MAP7: variants seen among roughly 807,000 people sequenced by gnomAD.
MAP7 encodes ensconsin.
Under a neutral mutation model 94.8 loss-of-function variants are expected in MAP7, and 52 were observed. The observed-to-expected ratio is 0.55, with a 90% CI of 0.44 to 0.69. The LOEUF (loss-of-function observed/expected upper bound fraction) is 0.69, where lower values mean the gene tolerates loss of function less well. Among genes scored for constraint, MAP7 ranks in the 30% least tolerant of loss-of-function variants. The pLI is 0.00. For missense variants in MAP7, 940 were observed against 964.6 expected (o/e 0.97, Z 0.34); for synonymous variants, 350 against 357.0 (o/e 0.98, Z 0.22).
At chr6:136,431,024 G>C (rs1190162484) in intron 1 of MAP7, among the ~76,000 whole-genome samples, 1 of 152,156 alleles carries the variant, frequency 6.6e-6, no homozygotes, top group South Asian at 2.1e-4. Flanking sequence ...GAGGGGCCAC[G>C]CTTGACGATG....
chr6:136,396,358 G>C (rs1486134873), intron 3 of MAP7, among the ~76,000 whole-genome samples: 1 of 151,720 alleles, frequency 6.6e-6, no homozygotes, highest in African/African-American at 2.4e-5. Flanking sequence ...TTTTTCCACT[G>C]GTTTGTCACT....
chr6:136,441,121 T>C (rs1797737184), intron 1 of MAP7, among the ~76,000 whole-genome samples: 1 of 152,228 alleles, frequency 6.6e-6, no homozygotes. Context: ...ATTCTATATC[T>C]TGGCTGTTGT....
chr6:136,423,555 G>C (rs1792097632), intron 1 of MAP7, among the ~76,000 whole-genome samples: 1 of 152,006 alleles, frequency 6.6e-6, no homozygotes, highest in South Asian at 2.1e-4. Context: ...TTTCAGCTCA[G>C]CCACAGTTAT....
At chr6:136,372,771 A>T (rs1582709136) in intron 7 of MAP7, 146 bp from the exon 8 acceptor site, 1 of 948,560 alleles carries the variant, frequency 1.1e-6, no homozygotes. Flanking sequence ...AGAAGATGTT[A>T]TTACCTAAAG....
chr6:136,525,956 T>G (rs1827707556), intron 1 of MAP7: 1 of 1,520,008 alleles, frequency 6.6e-7, no homozygotes, highest in African/African-American at 1.4e-5. Context: ...CTGTAGCTGA[T>G]CCAGGCATAC....
intron 1 of MAP7, among the ~76,000 whole-genome samples, chr6:136,457,592 A>G (rs1803753144): frequency 6.6e-6 from 1 of 152,190 alleles, no homozygotes; most frequent in African/African-American, 2.4e-5. Context: ...TGAATTCAAC[A>G]GTATATTAAG....
At chr6:136,410,913 A>C (rs1312015199) in intron 3 of MAP7, among the ~76,000 whole-genome samples, 2 of 152,240 alleles carry the variant, frequency 1.3e-5, no homozygotes, top group Non-Finnish European at 2.9e-5. Flanking sequence ...CATGCTGACC[A>C]GGCATTTAAT....
At chr6:136,480,342 A>C (rs972852070) in intron 1 of MAP7, among the ~76,000 whole-genome samples, 6 of 152,198 alleles carry the variant, frequency 3.9e-5, no homozygotes, top group African/African-American at 1.2e-4. Flanking sequence ...CAAAAATCAA[A>C]TCAAAATGTA....
intron 2 of MAP7, among the ~76,000 whole-genome samples, chr6:136,418,002 A>T (rs888667547): frequency 6.6e-6 from 1 of 152,188 alleles, no homozygotes; most frequent in Non-Finnish European, 1.5e-5. Context: ...TCAAACTATT[A>T]ATCATTTGAA....
chr6:136,358,718 C>T (rs1481513382), intron 15 of MAP7, among the ~76,000 whole-genome samples: 1 of 152,188 alleles, frequency 6.6e-6, no homozygotes, highest in Non-Finnish European at 1.5e-5. Flanking sequence ...AAAAAGAAAA[C>T]TGCAGTACCT....
intron 1 of MAP7, among the ~76,000 whole-genome samples, chr6:136,537,080 T>A (rs2129058325): frequency 6.6e-6 from 1 of 152,278 alleles, no homozygotes; most frequent in Non-Finnish European, 1.5e-5. Context: ...GACATGTGGG[T>A]CTCATCACAT....
intron 1 of MAP7, among the ~76,000 whole-genome samples, chr6:136,522,222 G>A (rs550413389): frequency 2.5e-4 from 38 of 152,256 alleles, no homozygotes; most frequent in African/African-American, 7.9e-4. Context: ...TTGAGGTTCC[G>A]AGGTATAAGA....
chr6:136,366,024 C>T lies in MAP7; in HGVS notation c.990-6G>A, dbSNP rs1205313049. The stretch of plus-strand genomic sequence containing the variant: ...GAAGAGACTTGGACGGAAGCCTGGG[C>T]CACAAACAAACAAGGCAGACAAAAG... On this transcript the variant is annotated splice_region_variant and splice_polypyrimidine_tract_variant and intron_variant, in intron 9 of 17. Transcript: ENST00000354570. 1.9e-6 allele frequency: 3 copies of T among 1,603,702 alleles called. No individual in the cohort carries two copies. Among genetic ancestry groups the T allele is most frequent in the Non-Finnish European group, 2.5e-6 (3 of 1,177,312 alleles).
At chr6:136,378,595 T>C (rs1351857140) in intron 6 of MAP7, among the ~76,000 whole-genome samples, 2 of 152,150 alleles carry the variant, frequency 1.3e-5, no homozygotes, top group African/African-American at 4.8e-5. Flanking sequence ...CAAAATCCAA[T>C]ATAAACATAA....
intron 3 of MAP7, among the ~76,000 whole-genome samples, chr6:136,398,117 T>A (rs958828616): frequency 1.3e-5 from 2 of 152,126 alleles, no homozygotes; most frequent in African/African-American, 4.8e-5. Context: ...CTAGACTCCA[T>A]GTAGAAATAC....
At chr6:136,423,612 A>G (rs973949406) in intron 1 of MAP7, among the ~76,000 whole-genome samples, 2 of 151,614 alleles carry the variant, frequency 1.3e-5, no homozygotes, top group Non-Finnish European at 2.9e-5. Context: ...TATGATGTTT[A>G]GGGTATGGCC....
intron 1 of MAP7, among the ~76,000 whole-genome samples, chr6:136,449,961 A>G (rs1800590278): frequency 6.6e-6 from 1 of 152,162 alleles, no homozygotes; most frequent in Non-Finnish European, 1.5e-5. Flanking sequence ...GGCCAAAGCA[A>G]GCAGATCACC....
At chr6:136,433,368 C>T (rs1795497829) in intron 1 of MAP7, among the ~76,000 whole-genome samples, 1 of 152,180 alleles carries the variant, frequency 6.6e-6, no homozygotes, top group Non-Finnish European at 1.5e-5. Flanking sequence ...GACCACAGTC[C>T]TGACTGAGTA....
intron 5 of MAP7, among the ~76,000 whole-genome samples, chr6:136,387,363 G>A (rs1779447719): frequency 6.6e-6 from 1 of 152,030 alleles, no homozygotes; most frequent in South Asian, 2.1e-4. Context: ...AACATAAATA[G>A]AAAACCAAAA....
Sources: allele counts gnomAD v4.1 joint callset (sites outside exome capture counted in the v4.1 genomes callset), GRCh38; gene constraint gnomAD v4.1.1; transcripts MANE v1.5; gene names NCBI Gene and HGNC (gene_info 2026-07-23, HGNC 2026-07-21).